Variants in MAMLD1 observed in about 807,000 individuals in gnomAD.
The protein encoded by MAMLD1 is mastermind-like domain-containing protein 1.
A neutral mutation model predicts 45.0 loss-of-function variants in MAMLD1; 14 were observed. The observed-to-expected ratio is 0.31, with a 90% CI of 0.21 to 0.49. MAMLD1 has a LOEUF of 0.49. Among genes scored for constraint, MAMLD1 ranks in the 20% least tolerant of loss-of-function variants. The pLI is 0.99. For missense variants in MAMLD1, 543 were observed against 603.6 expected, an observed-to-expected ratio of 0.90 and a Z score of 1.05; for synonymous variants, 254 against 247.8, an observed-to-expected ratio of 1.02 and a Z score of -0.24.
intron 2 of MAMLD1, among the ~76,000 whole-genome samples, chrX:150,451,141 G>T (rs145195477): frequency 8.9e-6 from 1 of 112,757 alleles, no homozygotes; most frequent in African/African-American, 3.2e-5. Context: ...TGAAGGGAGA[G>T]TGCTGGTGAG....
intron 4 of MAMLD1, among the ~76,000 whole-genome samples, chrX:150,472,670 G>A (rs1432516611): frequency 8.9e-6 from 1 of 112,328 alleles, no homozygotes; most frequent in Non-Finnish European, 1.9e-5. Context: ...GTAATGGGGA[G>A]AGAGGGAGGA....
chrX:150,383,652 G>C (rs1273831866), intron 1 of MAMLD1, among the ~76,000 whole-genome samples: 5 of 111,163 alleles, frequency 4.5e-5, no homozygotes, highest in Non-Finnish European at 9.4e-5. Flanking sequence ...AAAATATTCA[G>C]TTCAGTGGCT....
intron 2 of MAMLD1, among the ~76,000 whole-genome samples, chrX:150,446,309 A>G (rs1256219850): frequency 8.9e-6 from 1 of 112,094 alleles, no homozygotes; most frequent in East Asian, 2.8e-4. Flanking sequence ...TTAGGGCCAC[A>G]GAGGAGTGGC....
chrX:150,424,828 A>C (rs1240959866), intron 1 of MAMLD1, among the ~76,000 whole-genome samples: 1 of 112,066 alleles, frequency 8.9e-6, no homozygotes, highest in Non-Finnish European at 1.9e-5. Flanking sequence ...CATCACCACA[A>C]TTAATTCAAG....
intron 1 of MAMLD1, among the ~76,000 whole-genome samples, chrX:150,368,803 T>A (rs1339844911): frequency 1.8e-5 from 2 of 112,161 alleles, no homozygotes; most frequent in African/African-American, 6.5e-5. Flanking sequence ...TCCCAGCATC[T>A]TTTATTAAAT....
chrX:150,419,742 T>A (rs1189678507), intron 1 of MAMLD1, among the ~76,000 whole-genome samples: 2 of 58,342 alleles, frequency 3.4e-5, no homozygotes, highest in African/African-American at 1.3e-4. Context: ...AAAATTCTTT[T>A]CTTTAAGAAT....
upstream of MAMLD1, among the ~76,000 whole-genome samples, chrX:150,363,060 C>T (rs1454230339): frequency 8.9e-6 from 1 of 112,977 alleles, no homozygotes; most frequent in African/African-American, 3.2e-5. Context: ...TTTGGCTGCC[C>T]GCTGCCCCAT....
At chrX:150,401,470 A>G (rs1274237832) in intron 1 of MAMLD1, among the ~76,000 whole-genome samples, 3 of 104,082 alleles carry the variant, frequency 2.9e-5, no homozygotes, top group African/African-American at 1.1e-4. Context: ...AGGAAGAATC[A>G]ATATCGTGAA....
chrX:150,368,140 C>G (rs1228827368), intron 1 of MAMLD1, among the ~76,000 whole-genome samples: 1 of 112,025 alleles, frequency 8.9e-6, no homozygotes, highest in African/African-American at 3.3e-5. Flanking sequence ...GCCACACTGT[C>G]TTCCACAATG....
chrX:150,435,553 T>A (rs373988714), intron 1 of MAMLD1, among the ~76,000 whole-genome samples: 1 of 112,205 alleles, frequency 8.9e-6, no homozygotes, highest in African/African-American at 3.2e-5. Flanking sequence ...TTTTTTGTGT[T>A]TTTTGTTTGC....
At chrX:150,498,658 T>A (rs1293017013) in intron 5 of MAMLD1, among the ~76,000 whole-genome samples, 3 of 112,855 alleles carry the variant, frequency 2.7e-5, no homozygotes, top group African/African-American at 9.6e-5. Context: ...GCTACCATAT[T>A]GAACAGCACA....
chrX:150,390,579 A>G (rs1260040852), intron 1 of MAMLD1, among the ~76,000 whole-genome samples: 1 of 112,330 alleles, frequency 8.9e-6, no homozygotes, highest in Non-Finnish European at 1.9e-5. Flanking sequence ...TTTTACTTCC[A>G]TTTAGGTCCT....
chrX:150,494,116 C>T (rs2148343064), intron 5 of MAMLD1, among the ~76,000 whole-genome samples: 1 of 112,033 alleles, frequency 8.9e-6, no homozygotes, highest in South Asian at 3.7e-4. Context: ...AAAAAATGGG[C>T]CGGGCACGGT....
chrX:150,390,862 A>G (rs1452667026), intron 1 of MAMLD1, among the ~76,000 whole-genome samples: 1 of 112,342 alleles, frequency 8.9e-6, no homozygotes, highest in African/African-American at 3.2e-5. Flanking sequence ...CTTAGCAACA[A>G]CATCTTTTAG....
chrX:150,461,714 T>A (rs1423853915), intron 2 of MAMLD1, among the ~76,000 whole-genome samples: 4 of 111,372 alleles, frequency 3.6e-5, no homozygotes, highest in Non-Finnish European at 7.5e-5. Context: ...AGGGACTCGA[T>A]GGAAGCCACA....
intron 2 of MAMLD1, among the ~76,000 whole-genome samples, chrX:150,455,993 A>T (rs2035852199): frequency 1.8e-5 from 2 of 110,970 alleles, no homozygotes; most frequent in African/African-American, 6.6e-5. Context: ...GCTATCTGGC[A>T]CTATCCTGTG....
At chrX:150,425,926 T>C (rs191947841) in intron 1 of MAMLD1, among the ~76,000 whole-genome samples, 57 of 112,020 alleles carry the variant, frequency 5.1e-4, no homozygotes, top group African/African-American at 1.8e-3. Context: ...CAAAGATAGC[T>C]GTTATATTCC....
At chrX:150,502,952 A>C (rs2037607410) in intron 5 of MAMLD1, among the ~76,000 whole-genome samples, 1 of 112,136 alleles carries the variant, frequency 8.9e-6, no homozygotes, top group Admixed American at 9.4e-5. Flanking sequence ...GGGAGTCTTC[A>C]CATGAGATCC....
chrX:150,457,225 C>A (rs1346734261), intron 2 of MAMLD1, among the ~76,000 whole-genome samples: 1 of 112,426 alleles, frequency 8.9e-6, no homozygotes, highest in Non-Finnish European at 1.9e-5. Context: ...CTGGTACTAG[C>A]AAAGGGCATG....
Sources: gnomAD v4.1 joint callset for allele counts (sites outside exome capture counted in the v4.1 genomes callset) on GRCh38, gnomAD v4.1.1 for gene constraint, MANE v1.5 for transcripts, NCBI Gene and HGNC (gene_info 2026-07-23, HGNC 2026-07-21) for gene names.